The following MID1 variants were observed in gnomAD, a reference collection of about 807,000 sequenced individuals.
MID1 encodes E3 ubiquitin-protein ligase Midline-1.
MID1 carries 7 observed loss-of-function variants against 40.4 expected under a neutral mutation model. That is an observed-to-expected ratio of 0.17 (90% CI 0.10 to 0.33). MID1 has a LOEUF of 0.33. Ranked by LOEUF, MID1 falls within the 10% of genes least tolerant of loss-of-function variation. MID1 has a pLI of 1.00. For synonymous variants in MID1, 229 were observed against 221.2 expected (o/e 1.04, Z -0.31); for missense variants, 367 against 558.5 (o/e 0.66, Z 3.46).
At chrX:10,520,077 C>A (rs1346242724) in intron 3 of MID1, among the ~76,000 whole-genome samples, 1 of 112,117 alleles carries the variant, frequency 8.9e-6, no homozygotes, top group Admixed American at 9.5e-5. Context: ...AATAAGCTGA[C>A]ACCTCAATAC....
At chrX:10,634,325 TAAGA>T (rs1315424795) in intron 1 of MID1, among the ~76,000 whole-genome samples, 1 of 111,827 alleles carries the variant, frequency 8.9e-6, no homozygotes, top group East Asian at 2.8e-4. Flanking sequence ...CTTTTGGTAA[TAAGA>T]AAGATATGAA....
intron 1 of MID1, among the ~76,000 whole-genome samples, chrX:10,806,786 A>G (rs1259571345): frequency 8.9e-6 from 1 of 112,186 alleles, no homozygotes; most frequent in Non-Finnish European, 1.9e-5. Context: ...AACTACGAAC[A>G]TTACTACAGT....
chrX:10,451,840 A>AAGTC (rs1928361144), intron 9 of MID1, among the ~76,000 whole-genome samples: 1 of 111,737 alleles, frequency 8.9e-6, no homozygotes, highest in Admixed American at 9.5e-5. Context: ...GTAAGTAAGT[A>AAGTC]AGTCCATTAT....
intron 1 of MID1, among the ~76,000 whole-genome samples, chrX:10,797,824 C>T (rs73491049): frequency 0.063 from 7,024 of 111,503 alleles, 572 homozygotes; most frequent in African/African-American, 0.22. Context: ...CAAAAACCCA[C>T]GTTCGATGCA....
chrX:10,659,797 T>C (rs1229707209), intron 1 of MID1, among the ~76,000 whole-genome samples: 3 of 111,983 alleles, frequency 2.7e-5, no homozygotes, highest in African/African-American at 9.7e-5. Flanking sequence ...ACGTATGTGC[T>C]GTGTCTTTTG....
chrX:10,523,995 C>T (rs1932781761), intron 2 of MID1, among the ~76,000 whole-genome samples: 1 of 111,490 alleles, frequency 9.0e-6, no homozygotes, highest in African/African-American at 3.3e-5. Flanking sequence ...CTTGAGCATC[C>T]ATGATTTTAG....
chrX:10,567,437 G>C lies in MID1; in HGVS notation c.111C>G (p.Ile37Met). 1 of 1,211,527 alleles carries C rather than the reference G, an allele frequency of 8.3e-7. No individual in the cohort carries two copies. Among genetic ancestry groups the C allele is most frequent in the Non-Finnish European group, 1.1e-6 (1 of 895,343 alleles). The change falls in exon 2 of 10, where the codon ATC (isoleucine) becomes ATG (methionine). Residue 37 changes from isoleucine (I) to methionine (M), a missense_variant. Physicochemically the swap from Ile to Met is conservative, Grantham distance 10. This residue lies in a region of MID1 where 78 missense variants were observed against 112.6 expected (regional missense o/e 0.69). Coordinates refer to ENST00000317552, the MANE Select transcript of MID1 (RefSeq NM_000381.4). ...CGTTGGTGGCACAGTGTGATACTAGGATGCGGTGGGCGCAGTTGAAGCAGA... is the reference window on the plus strand; with the variant it reads ...CGTTGGTGGCACAGTGTGATACTAGCATGCGGTGGGCGCAGTTGAAGCAGA... ...HSLCFNCAHRILVSHCATNES... is the reference protein window; with the variant it reads ...HSLCFNCAHRMLVSHCATNES...
At chrX:10,636,886 C>CTGTG (rs36101583) in intron 1 of MID1, among the ~76,000 whole-genome samples, 4,010 of 89,786 alleles carry the variant, frequency 0.045, 95 homozygotes, top group African/African-American at 0.084. Context: ...TCTTAAAACG[C>CTGTG]TGTGTGTGTG....
chrX:10,781,044 T>G (rs1271766186), intron 1 of MID1, among the ~76,000 whole-genome samples: 1 of 111,274 alleles, frequency 9.0e-6, no homozygotes, highest in African/African-American at 3.3e-5. Flanking sequence ...GTACCGGAGG[T>G]TGGGGACCCC....
At chrX:10,789,555 G>A (rs893502786) in intron 1 of MID1, among the ~76,000 whole-genome samples, 2 of 112,305 alleles carry the variant, frequency 1.8e-5, no homozygotes, top group African/African-American at 6.5e-5. Flanking sequence ...TGCTGTGCAG[G>A]TTTGTATCCT....
intron 1 of MID1, among the ~76,000 whole-genome samples, chrX:10,717,371 A>G (rs1434381886): frequency 9.1e-6 from 1 of 109,696 alleles, no homozygotes; most frequent in African/African-American, 3.3e-5. Context: ...AAATGGAAAA[A>G]AAAAAAAAGG....
intron 1 of MID1, among the ~76,000 whole-genome samples, chrX:10,778,836 A>G (rs1023660406): frequency 3.5e-5 from 4 of 113,588 alleles, no homozygotes; most frequent in Non-Finnish European, 7.5e-5. Context: ...ATCTCTTGTT[A>G]TGTTTTAAGC....
At chrX:10,720,204 C>T (rs145701061) in intron 1 of MID1, among the ~76,000 whole-genome samples, 2,436 of 111,319 alleles carry the variant, frequency 0.022, 70 homozygotes, top group African/African-American at 0.076. Flanking sequence ...AAATGGGATC[C>T]AATTAAACTA....
At chrX:10,500,118 C>T (rs1931466647) in intron 3 of MID1, among the ~76,000 whole-genome samples, 1 of 112,185 alleles carries the variant, frequency 8.9e-6, no homozygotes, top group African/African-American at 3.2e-5. Context: ...TCCATTCACT[C>T]TCACAATCAT....
intron 1 of MID1, among the ~76,000 whole-genome samples, chrX:10,665,528 C>CTTT (rs373056802): frequency 2.1e-5 from 2 of 96,470 alleles, no homozygotes; most frequent in Non-Finnish European, 4.2e-5. Flanking sequence ...CAAATAGCCA[C>CTTT]TTTTTTTTTT....
chrX:10,675,398 G>T (rs867465829), intron 1 of MID1, among the ~76,000 whole-genome samples: 10 of 111,428 alleles, frequency 9.0e-5, no homozygotes, highest in African/African-American at 3.3e-4. Context: ...TCTTGGGGAT[G>T]GGGGAGGGTG....
chrX:10,726,451 G>A (rs1009544012), intron 1 of MID1, among the ~76,000 whole-genome samples: 6 of 110,997 alleles, frequency 5.4e-5, no homozygotes, highest in Non-Finnish European at 9.4e-5. Context: ...AAAGGTTGGG[G>A]ATTTTAGGTA....
chrX:10,777,541 T>C (rs1007546774), intron 1 of MID1, among the ~76,000 whole-genome samples: 1 of 108,756 alleles, frequency 9.2e-6, no homozygotes, highest in East Asian at 2.9e-4. Flanking sequence ...TTCTTTTCTT[T>C]TCTTTTCTTT....
chrX:10,691,374 G>C, intron 1 of MID1, among the ~76,000 whole-genome samples: 1 of 111,390 alleles, frequency 9.0e-6, no homozygotes, highest in Non-Finnish European at 1.9e-5. Flanking sequence ...TGAATGGAGG[G>C]ACCAGCTAGA....
Sources: gnomAD v4.1 joint callset for allele counts (sites outside exome capture counted in the v4.1 genomes callset) on GRCh38, gnomAD v4.1.1 for gene constraint, gnomAD v4.1.1 regional missense constraint, MANE v1.5 for transcripts, NCBI Gene and HGNC (gene_info 2026-07-23, HGNC 2026-07-21) for gene names.